PRKN: variants seen among roughly 807,000 people sequenced by gnomAD.
The protein encoded by PRKN is parkin RBR E3 ubiquitin protein ligase.
A neutral mutation model predicts 59.5 loss-of-function variants in PRKN; 56 were observed. The ratio of observed to expected loss-of-function variants is 0.94; its 90% CI spans 0.76 to 1.18. The LOEUF is 1.18. Among genes scored for constraint, PRKN ranks in the 50% most tolerant of loss-of-function variants. PRKN has a pLI of 0.00. For missense variants in PRKN, 657 were observed against 596.4 expected, an observed-to-expected ratio of 1.10 and a Z score of -1.06; for synonymous variants, 250 against 222.1, an observed-to-expected ratio of 1.13 and a Z score of -1.12.
At chr6:162,356,460 C>T (rs1198237902) in intron 2 of PRKN, among the ~76,000 whole-genome samples, 2 of 151,970 alleles carry the variant, frequency 1.3e-5, no homozygotes, top group Non-Finnish European at 2.9e-5. Flanking sequence ...ACTATGATTG[C>T]TGTAAGGTGG....
At chr6:161,500,741 A>G (rs1049990914) in intron 9 of PRKN, among the ~76,000 whole-genome samples, 1 of 152,182 alleles carries the variant, frequency 6.6e-6, no homozygotes, top group Non-Finnish European at 1.5e-5. Context: ...TTTGTCAATT[A>G]TGAATAAATC....
intron 1 of PRKN, among the ~76,000 whole-genome samples, chr6:162,622,900 G>A (rs572481617): frequency 6.6e-6 from 1 of 152,220 alleles, no homozygotes; most frequent in African/African-American, 2.4e-5. Flanking sequence ...CACGTGAAAT[G>A]CTTTATGAAC....
chr6:162,616,162 C>T (rs1291752373), intron 1 of PRKN, among the ~76,000 whole-genome samples: 1 of 152,020 alleles, frequency 6.6e-6, no homozygotes, highest in Non-Finnish European at 1.5e-5. Flanking sequence ...TATTTAAGGC[C>T]CATTTACCCA....
intron 6 of PRKN, among the ~76,000 whole-genome samples, chr6:161,788,345 G>A (rs1163674895): frequency 1.3e-5 from 2 of 152,160 alleles, no homozygotes; most frequent in Non-Finnish European, 2.9e-5. Context: ...GGGACATTAG[G>A]GAAAGTTTAG....
intron 4 of PRKN, among the ~76,000 whole-genome samples, chr6:162,069,916 C>A (rs112462486): frequency 2.0e-4 from 31 of 152,066 alleles, no homozygotes; most frequent in African/African-American, 5.8e-4. Context: ...GCAAGAGAGG[C>A]AAAAATGATT....
intron 2 of PRKN, among the ~76,000 whole-genome samples, chr6:162,433,092 C>T (rs1226625698): frequency 1.3e-5 from 2 of 152,056 alleles, no homozygotes; most frequent in Non-Finnish European, 2.9e-5. Flanking sequence ...CAGAATAAAT[C>T]GTGGGATGAA....
chr6:162,406,783 C>T lies in PRKN; in HGVS notation c.171+36527G>A, dbSNP rs549066935. 5.9e-5 allele frequency among the ~76,000 whole-genome samples: 9 copies of T among 152,258 alleles called. No homozygotes were observed. The East Asian group carries it at 1.2e-3, about 20-fold the overall frequency. On this transcript the variant is annotated intron_variant, in intron 2 of 11. Transcript: ENST00000366898. Reference sequence around the variant, plus strand: ...CCAGCTTCTCCTCCCCTCTTCCACACGGGTGCATGGCTGCCACCACTTCCT... The same window carrying T: ...CCAGCTTCTCCTCCCCTCTTCCACATGGGTGCATGGCTGCCACCACTTCCT...
At chr6:161,897,704 G>A (rs868091979) in intron 6 of PRKN, among the ~76,000 whole-genome samples, 21 of 149,804 alleles carry the variant, frequency 1.4e-4, no homozygotes, top group Admixed American at 2.0e-4. Flanking sequence ...AGTTGCGGCC[G>A]GGCGCGGTGG....
intron 6 of PRKN, among the ~76,000 whole-genome samples, chr6:161,885,849 A>G (rs1335509859): frequency 6.6e-6 from 1 of 152,200 alleles, no homozygotes; most frequent in Non-Finnish European, 1.5e-5. Flanking sequence ...TGGCTCCATC[A>G]TTCAGACTCT....
Position 162,547,294 on chromosome 6 carries a change from C to T in PRKN, c.8-103821G>A, listed in dbSNP as rs546486156. On this transcript the variant is annotated intron_variant, in intron 1 of 11. Coordinates refer to ENST00000366898, the MANE Select transcript of PRKN (RefSeq NM_004562.3). ...TCGTTTATCATCTATATGTCACATACGAAATTAGTTACACTAGCAGCATTT... is the reference window on the plus strand; with the variant it reads ...TCGTTTATCATCTATATGTCACATATGAAATTAGTTACACTAGCAGCATTT... Among the ~76,000 whole-genome samples the T allele has an allele frequency of 2.7e-4, 41 of 152,260 alleles. 1 individual carries two copies. In the South Asian group the frequency reaches 4.1e-3, roughly 15 times the overall value.
At chr6:162,666,800 T>C (rs1317691933) in intron 1 of PRKN, among the ~76,000 whole-genome samples, 1 of 152,056 alleles carries the variant, frequency 6.6e-6, no homozygotes, top group Non-Finnish European at 1.5e-5. Context: ...TGAGCTACCT[T>C]GGTATCTATA....
chr6:162,617,488 TC>T (rs1782476893), intron 1 of PRKN, among the ~76,000 whole-genome samples: 1 of 152,160 alleles, frequency 6.6e-6, no homozygotes, highest in Non-Finnish European at 1.5e-5. Flanking sequence ...TGCTTTGGCC[TC>T]CCACAGTGCT....
At chr6:161,590,453 C>T (rs1781676774) in intron 7 of PRKN, among the ~76,000 whole-genome samples, 1 of 152,016 alleles carries the variant, frequency 6.6e-6, no homozygotes, top group Admixed American at 6.5e-5. Context: ...CAAAAATTAG[C>T]TGGGCGTGGT....
At chr6:162,606,774 T>C (rs1411337740) in intron 1 of PRKN, among the ~76,000 whole-genome samples, 1 of 152,198 alleles carries the variant, frequency 6.6e-6, no homozygotes, top group African/African-American at 2.4e-5. Flanking sequence ...TGGGGTGCAG[T>C]GGTGCAACCT....
At chr6:161,812,069 T>G (rs2128213720) in intron 6 of PRKN, among the ~76,000 whole-genome samples, 1 of 152,170 alleles carries the variant, frequency 6.6e-6, no homozygotes, top group African/African-American at 2.4e-5. Context: ...ATCAATATAT[T>G]GGACTTCATC....
chr6:161,931,955 G>T (rs1779183481), intron 6 of PRKN, among the ~76,000 whole-genome samples: 1 of 152,126 alleles, frequency 6.6e-6, no homozygotes, highest in Non-Finnish European at 1.5e-5. Context: ...TCCATCGAAG[G>T]CAATGCTATC....
At chr6:162,192,784 G>A (rs1464144664) in intron 4 of PRKN, among the ~76,000 whole-genome samples, 2 of 151,956 alleles carry the variant, frequency 1.3e-5, no homozygotes, top group African/African-American at 4.8e-5. Context: ...TTAACTTCCT[G>A]CCCACAATTT....
intron 1 of PRKN, among the ~76,000 whole-genome samples, chr6:162,482,710 G>A (rs1418647871): frequency 2.0e-5 from 3 of 152,128 alleles, no homozygotes; most frequent in Admixed American, 1.3e-4. Context: ...GCAGAGAAAA[G>A]AAAGCAAGCA....
chr6:162,024,450 G>T (rs1391258373), intron 5 of PRKN, among the ~76,000 whole-genome samples: 1 of 152,142 alleles, frequency 6.6e-6, no homozygotes, highest in Admixed American at 6.5e-5. Flanking sequence ...ACCGGCCTCG[G>T]CCTCTCAAAG....
Sources: gnomAD v4.1 joint callset for allele counts (sites outside exome capture counted in the v4.1 genomes callset) on GRCh38, gnomAD v4.1.1 for gene constraint, MANE v1.5 for transcripts, NCBI Gene and HGNC (gene_info 2026-07-23, HGNC 2026-07-21) for gene names.